The following EEFSEC variants were observed in gnomAD, a reference collection of about 807,000 sequenced individuals.
EEFSEC encodes eukaryotic elongation factor, selenocysteine-tRNA specific.
A neutral mutation model predicts 42.1 loss-of-function variants in EEFSEC; 43 were observed. That is an observed-to-expected ratio of 1.02 (90% CI 0.80 to 1.32). EEFSEC has a LOEUF of 1.32. EEFSEC is among the 40% of genes most tolerant of loss of function. EEFSEC has a pLI of 0.00. For missense variants in EEFSEC, 745 were observed against 803.6 expected, an observed-to-expected ratio of 0.93 and a Z score of 0.88; for synonymous variants, 354 against 339.1, an observed-to-expected ratio of 1.04 and a Z score of -0.48.
intron 6 of EEFSEC, among the ~76,000 whole-genome samples, chr3:128,379,971 G>A (rs773697616): frequency 2.0e-5 from 3 of 152,238 alleles, no homozygotes; most frequent in South Asian, 4.1e-4. Flanking sequence ...GTAGGGCCTC[G>A]GCCCCTGTGT....
At chr3:128,422,006 A>AG in the EEFSEC span, among the ~76,000 whole-genome samples, 27 of 152,266 alleles carry the variant, frequency 1.8e-4, 1 homozygote, top group South Asian at 5.2e-3. Flanking sequence ...GTGGAAAAAA[A>AG]CAGCAGCTCT....
chr3:128,240,506 G>A (rs1305229190), intron 1 of EEFSEC, among the ~76,000 whole-genome samples: 6 of 152,124 alleles, frequency 3.9e-5, no homozygotes, highest in Admixed American at 3.9e-4. Flanking sequence ...TCTTGTTTAA[G>A]CCCCTTCCAT....
chr3:128,211,524 CT>C (rs1272651525), intron 1 of EEFSEC, among the ~76,000 whole-genome samples: 39 of 146,482 alleles, frequency 2.7e-4, no homozygotes, highest in Middle Eastern at 3.5e-3. Flanking sequence ...ACATATACTT[CT>C]TTTTTTTTTT....
intron 4 of EEFSEC, among the ~76,000 whole-genome samples, chr3:128,320,147 C>A (rs1243253221): frequency 6.6e-6 from 1 of 152,210 alleles, no homozygotes; most frequent in East Asian, 1.9e-4. Flanking sequence ...GGTTGTGTGG[C>A]CTCCAAAGCC....
At chr3:128,239,137 G>A (rs542022939) in intron 1 of EEFSEC, among the ~76,000 whole-genome samples, 1 of 152,364 alleles carries the variant, frequency 6.6e-6, no homozygotes, top group African/African-American at 2.4e-5. Context: ...GATCCAGGCT[G>A]TTGGCTGGCA....
At chr3:128,169,462 T>C (rs1411732066) in intron 1 of EEFSEC, among the ~76,000 whole-genome samples, 1 of 152,174 alleles carries the variant, frequency 6.6e-6, no homozygotes, top group Non-Finnish European at 1.5e-5. Flanking sequence ...CATTCTGAAA[T>C]AGGACACGGT....
At chr3:128,351,718 C>G in intron 5 of EEFSEC, among the ~76,000 whole-genome samples, 1 of 152,236 alleles carries the variant, frequency 6.6e-6, no homozygotes, top group East Asian at 1.9e-4. Context: ...AGTCCTTGCT[C>G]AAAGGCCAGG....
the EEFSEC span, among the ~76,000 whole-genome samples, chr3:128,420,138 A>G: frequency 6.6e-6 from 1 of 152,180 alleles, no homozygotes; most frequent in Admixed American, 6.5e-5. Context: ...AAACAAAGAG[A>G]AAACAGACAG....
intron 1 of EEFSEC, among the ~76,000 whole-genome samples, chr3:128,233,312 A>G (rs764963077): frequency 2.0e-5 from 3 of 152,256 alleles, no homozygotes; most frequent in East Asian, 1.9e-4. Context: ...TGTTTTTAAT[A>G]TAAGTGCATT....
In EEFSEC at chr3:128,358,248, C is replaced by T. The variant is rs759526466; in HGVS notation, c.1475C>T (p.Ser492Phe). The T allele has an allele frequency of 1.2e-6, 2 of 1,614,176 alleles. No homozygotes were observed. Among genetic ancestry groups the T allele is most frequent in the East Asian group, 2.2e-5 (1 of 44,886 alleles). ...GATGACTACAGTGTGATCGGCCGCT[C>T]CCTGTTCAAAAAGGAAACCAACATC... ...AMDDYSVIGR[S>F]LFKKETNIQL... is the part of the protein sequence containing the mutation. The change falls in exon 6 of 7, where the codon TCC (serine) becomes TTC (phenylalanine). Residue 492 changes from serine to phenylalanine, a missense_variant. Coordinates refer to ENST00000254730, the MANE Select transcript of EEFSEC (RefSeq NM_021937.5).
At chr3:128,363,606 T>C (rs1576673394) in intron 6 of EEFSEC, among the ~76,000 whole-genome samples, 1 of 152,180 alleles carries the variant, frequency 6.6e-6, no homozygotes, top group East Asian at 1.9e-4. Flanking sequence ...AAGAGGGTCC[T>C]GAGGAGGGCT....
intron 4 of EEFSEC, among the ~76,000 whole-genome samples, chr3:128,281,208 C>T (rs1316686265): frequency 7.9e-5 from 12 of 152,234 alleles, no homozygotes; most frequent in Admixed American, 7.8e-4. Flanking sequence ...ATCGGACCCT[C>T]CTTCTGAGCA....
intron 6 of EEFSEC, among the ~76,000 whole-genome samples, chr3:128,373,010 CT>C (rs1445803386): frequency 2.0e-5 from 3 of 152,180 alleles, no homozygotes; most frequent in African/African-American, 7.2e-5. Context: ...ACAATAACAC[CT>C]GTAATTGTAC....
At chr3:128,401,845 G>T (rs1027943575) in intron 6 of EEFSEC, among the ~76,000 whole-genome samples, 3 of 152,142 alleles carry the variant, frequency 2.0e-5, no homozygotes, top group African/African-American at 7.2e-5. Context: ...GCAGTGTGGG[G>T]ACCTTGAACT....
At chr3:128,293,726 A>G (rs2107989813) in intron 4 of EEFSEC, among the ~76,000 whole-genome samples, 1 of 151,664 alleles carries the variant, frequency 6.6e-6, no homozygotes, top group East Asian at 1.9e-4. Flanking sequence ...CGAGCCACAG[A>G]GTCAGAAAGT....
At chr3:128,263,124 T>A (rs1449916343) in intron 3 of EEFSEC, among the ~76,000 whole-genome samples, 3 of 152,246 alleles carry the variant, frequency 2.0e-5, no homozygotes, top group Non-Finnish European at 2.9e-5. Context: ...GTTACAGTGA[T>A]GTTGATGTTT....
intron 4 of EEFSEC, among the ~76,000 whole-genome samples, chr3:128,291,534 A>G (rs2066644088): frequency 2.0e-5 from 3 of 152,200 alleles, no homozygotes; most frequent in Non-Finnish European, 4.4e-5. Flanking sequence ...CTCAGCCTCC[A>G]GAGTTGTGAG....
At chr3:128,290,252 T>G (rs907641337) in intron 4 of EEFSEC, among the ~76,000 whole-genome samples, 9 of 152,158 alleles carry the variant, frequency 5.9e-5, no homozygotes, top group African/African-American at 2.2e-4. Context: ...TCCAAATTAA[T>G]TTTTTTGTAT....
At chr3:128,277,917 G>A (rs1213843417) in intron 4 of EEFSEC, among the ~76,000 whole-genome samples, 1 of 152,192 alleles carries the variant, frequency 6.6e-6, no homozygotes, top group African/African-American at 2.4e-5. Flanking sequence ...AGGATTCTGG[G>A]CAAATGCAAA....
Sources: gnomAD v4.1 joint callset for allele counts (sites outside exome capture counted in the v4.1 genomes callset) on GRCh38, gnomAD v4.1.1 for gene constraint, MANE v1.5 for transcripts, NCBI Gene and HGNC (gene_info 2026-07-23, HGNC 2026-07-21) for gene names.